Variants in UNC13C observed in about 807,000 individuals in gnomAD.
UNC13C encodes the protein unc-13 homolog C.
Under a neutral mutation model 245.4 loss-of-function variants are expected in UNC13C, and 174 were observed. The ratio of observed to expected loss-of-function variants is 0.71; its 90% CI spans 0.63 to 0.80. The LOEUF (loss-of-function observed/expected upper bound fraction) is 0.80, where lower values mean the gene tolerates loss of function less well. Among genes scored for constraint, UNC13C ranks in the 30% least tolerant of loss-of-function variants. The probability of loss-of-function intolerance (pLI) is 0.00; values close to 1 mark genes in which losing one functional copy is unlikely to be tolerated. For missense variants in UNC13C, 2,829 were observed against 2,602.9 expected (o/e 1.09, Z -1.89); for synonymous variants, 992 against 895.1 (o/e 1.11, Z -1.93).
chr15:54,552,634 A>AT (rs1896842615), intron 28 of UNC13C, among the ~76,000 whole-genome samples: 3 of 73,848 alleles, frequency 4.1e-5, no homozygotes, highest in Non-Finnish European at 6.6e-5. Context: ...TATATTGTAC[A>AT]ATATAATATA....
rs116070212 is a variant in UNC13C at position 54,244,371 on chromosome 15, G to A, written c.3229-5854G>A. The stretch of plus-strand genomic sequence containing the variant: ...CCAGTACCGTGCTGTTTTGGCTACC[G>A]TAGCCTTGTACTATAGTTCGAAGGT... On this transcript the variant is annotated intron_variant, in intron 7 of 32. Coordinates refer to ENST00000260323, the MANE Select transcript of UNC13C (RefSeq NM_001080534.3). Among the ~76,000 whole-genome samples, 907 of 152,228 alleles carry A rather than the reference G, an allele frequency of 6.0e-3. 13 individuals carry two copies. The highest frequency in any genetic ancestry group is 0.021 in the African/African-American group (868 of 41,530).
chr15:54,212,760 A>G (rs2034922237), intron 4 of UNC13C, among the ~76,000 whole-genome samples: 1 of 152,054 alleles, frequency 6.6e-6, no homozygotes, highest in East Asian at 1.9e-4. Context: ...TACACATTAA[A>G]CTAAACATAG....
chr15:54,499,966 T>G, intron 20 of UNC13C, 113 bp from the exon 21 acceptor site: 1 of 792,418 alleles, frequency 1.3e-6, no homozygotes, highest in South Asian at 2.0e-5. Flanking sequence ...CAAGAGAGAA[T>G]GAAAGGAGAT....
At chr15:54,532,837 C>A in intron 25 of UNC13C, 80 bp from the exon 26 acceptor site, 1 of 982,152 alleles carries the variant, frequency 1.0e-6, no homozygotes, top group Non-Finnish European at 1.5e-6. Context: ...TGAAACAGAT[C>A]AAAATCCTCA....
chr15:53,875,378 G>C, the UNC13C span, among the ~76,000 whole-genome samples: 1 of 152,132 alleles, frequency 6.6e-6, no homozygotes, highest in Non-Finnish European at 1.5e-5. Flanking sequence ...TGTTGGGTAT[G>C]TTCTGCCTAG....
the UNC13C span, among the ~76,000 whole-genome samples, chr15:53,959,312 G>A: frequency 6.6e-6 from 1 of 151,928 alleles, no homozygotes; most frequent in Non-Finnish European, 1.5e-5. Context: ...ATTCTCAGCA[G>A]TGGGATTCCT....
At chr15:54,533,207 A>G in intron 26 of UNC13C, 141 bp downstream of exon 26, 1 of 621,762 alleles carries the variant, frequency 1.6e-6, no homozygotes, top group Non-Finnish European at 2.7e-6. Context: ...AGATAAATAA[A>G]TAAATTCATT....
At chr15:53,928,115 G>GAC in the UNC13C span, among the ~76,000 whole-genome samples, 47,889 of 151,716 alleles carry the variant, frequency 0.32, 7,658 homozygotes, top group Non-Finnish European at 0.33. Context: ...AGGAATTAAA[G>GAC]ACACACACAC....
At chr15:54,607,506 T>C (rs966535533) in intron 30 of UNC13C, among the ~76,000 whole-genome samples, 1 of 152,160 alleles carries the variant, frequency 6.6e-6, no homozygotes, top group African/African-American at 2.4e-5. Flanking sequence ...AATACAGTCT[T>C]TGGAAATTGA....
the UNC13C span, among the ~76,000 whole-genome samples, chr15:53,906,247 G>T: frequency 6.6e-6 from 1 of 152,130 alleles, no homozygotes; most frequent in African/African-American, 2.4e-5. Flanking sequence ...GATCATCTGA[G>T]CATGGGAGGT....
intron 4 of UNC13C, among the ~76,000 whole-genome samples, chr15:54,164,178 T>C (rs58452152): frequency 0.024 from 3,720 of 152,276 alleles, 153 homozygotes; most frequent in African/African-American, 0.08. Flanking sequence ...GCTAGCTAGC[T>C]AAAGGTAATT....
chr15:54,543,811 C>G (rs943507834), intron 26 of UNC13C, among the ~76,000 whole-genome samples: 23 of 152,084 alleles, frequency 1.5e-4, no homozygotes, highest in Middle Eastern at 3.4e-3. Context: ...TAATAATGTA[C>G]CAACCAAAAA....
chr15:54,588,189 A>G (rs1056482285), intron 30 of UNC13C, among the ~76,000 whole-genome samples: 7 of 152,220 alleles, frequency 4.6e-5, no homozygotes, highest in African/African-American at 1.7e-4. Flanking sequence ...CATATGGTTC[A>G]TTAATAGCAA....
At chr15:54,462,194 CA>C (rs1192754691) in intron 19 of UNC13C, among the ~76,000 whole-genome samples, 2 of 152,144 alleles carry the variant, frequency 1.3e-5, no homozygotes, top group East Asian at 3.8e-4. Context: ...TCATGAGCCA[CA>C]AACTCATAAT....
intron 13 of UNC13C, among the ~76,000 whole-genome samples, chr15:54,307,751 A>T (rs903716136): frequency 7.2e-5 from 11 of 151,884 alleles, no homozygotes; most frequent in South Asian, 2.1e-4. Context: ...TTCCAGTCAC[A>T]CACCATTGCT....
chr15:54,475,769 C>A (rs961277016), intron 19 of UNC13C, among the ~76,000 whole-genome samples: 1 of 121,456 alleles, frequency 8.2e-6, no homozygotes, highest in East Asian at 2.6e-4. Context: ...AATAAACATA[C>A]GTGTGCATGT....
At chr15:54,484,070 T>C in intron 19 of UNC13C, among the ~76,000 whole-genome samples, 1 of 98,944 alleles carries the variant, frequency 1.0e-5, no homozygotes, top group East Asian at 3.0e-4. Flanking sequence ...GAATCAGAAC[T>C]CTGGCTTCCC....
chr15:54,018,004 G>A (rs1203835322), intron 2 of UNC13C, among the ~76,000 whole-genome samples: 1 of 152,170 alleles, frequency 6.6e-6, no homozygotes, highest in African/African-American at 2.4e-5. Context: ...AAAGGTACCA[G>A]ATTGACTACC....
At chr15:53,926,707 G>A in the UNC13C span, among the ~76,000 whole-genome samples, 1 of 149,510 alleles carries the variant, frequency 6.7e-6, no homozygotes, top group Admixed American at 6.8e-5. Flanking sequence ...GCACCACAAA[G>A]GAAGCGAGTA....
Sources: allele counts gnomAD v4.1 joint callset (sites outside exome capture counted in the v4.1 genomes callset), GRCh38; gene constraint gnomAD v4.1.1; transcripts MANE v1.5; gene names NCBI Gene and HGNC (gene_info 2026-07-23, HGNC 2026-07-21).